The following KCNQ1 variants were observed in gnomAD, a reference collection of about 807,000 sequenced individuals.
KCNQ1 encodes the protein potassium voltage-gated channel subfamily Q member 1, also known as potassium voltage-gated channel subfamily KQT member 1.
Under a neutral mutation model 72.4 loss-of-function variants are expected in KCNQ1, and 49 were observed. That is an observed-to-expected ratio of 0.68 (90% CI 0.54 to 0.86). KCNQ1 has a LOEUF of 0.86. KCNQ1 is among the 40% of genes least tolerant of loss of function. The pLI, the probability that KCNQ1 is intolerant of heterozygous loss-of-function variation, is 0.00. For synonymous variants in KCNQ1, 450 were observed against 412.6 expected (o/e 1.09, Z -1.10); for missense variants, 790 against 945.1 (o/e 0.84, Z 2.15).
At position 2,746,812 on chromosome 11, in the gene KCNQ1, GCTC is replaced by G. The variant is rs1275939357; in HGVS notation, c.1515-22031_1515-22029del. Among the ~76,000 whole-genome samples the G allele has an allele frequency of 6.6e-6, 1 of 152,218 alleles. No homozygotes were observed. The highest frequency in any genetic ancestry group is 2.4e-5 in the African/African-American group (1 of 41,456). On this transcript the variant is annotated intron_variant, in intron 11 of 15. Transcript: ENST00000155840. This position sits in a 1 kb window ranked among gnomAD's most constrained non-coding sequence, Gnocchi z 5.9. The stretch of plus-strand genomic sequence containing the variant: ...CTGTCCTTGGACCCGCCAGCATTTG[GCTC>G]TGGGGCCCTAGAGAGACCCTGGGAT...
chr11:2,518,530 G>T (rs892775022), intron 1 of KCNQ1, among the ~76,000 whole-genome samples: 2 of 152,174 alleles, frequency 1.3e-5, no homozygotes, highest in Non-Finnish European at 2.9e-5. Flanking sequence ...CTGTTTCTTG[G>T]GGTTCCCAGT....
Position 2,621,047 on chromosome 11 carries a change from G to A in KCNQ1, c.1393+32193G>A, listed in dbSNP as rs1589986424. ...GGCTGGAGTGCAGTGGCGCAATCTC[G>A]GCTCACTGCAACCTCCACCTCCTGG... On this transcript the variant is annotated intron_variant, in intron 10 of 15. Coordinates refer to ENST00000155840, the MANE Select transcript of KCNQ1 (RefSeq NM_000218.3). The surrounding 1 kb of genome is among the most constrained non-coding windows in gnomAD (Gnocchi z 5.7). 5 of 396,036 alleles carry A rather than the reference G, an allele frequency of 1.3e-5. No individual in the cohort carries two copies. Among genetic ancestry groups the A allele is most frequent in the African/African-American group, 2.1e-5 (1 of 48,404 alleles). 24.5% of individuals were successfully genotyped at this position (396,036 alleles called of 1,614,324 possible).
At chr11:2,773,174 C>T (rs1846630439) in intron 12 of KCNQ1, among the ~76,000 whole-genome samples, 1 of 151,794 alleles carries the variant, frequency 6.6e-6, no homozygotes, top group Admixed American at 6.6e-5. Flanking sequence ...AAGGGAGAAA[C>T]AGAGTTCAAC....
At chr11:2,630,508 C>A (rs1849335884) in intron 10 of KCNQ1, 1 of 398,046 alleles carries the variant, frequency 2.5e-6, no homozygotes. Flanking sequence ...ATTTTTGATG[C>A]CCCAAGGTAC....
rs1166336344 is a variant in KCNQ1 at position 2,612,380 on chromosome 11, AG to A, written c.1393+23528del. 2 of 398,530 alleles carry A rather than the reference AG, an allele frequency of 5.0e-6. No homozygotes were observed. The highest frequency in any genetic ancestry group is 4.4e-6 in the Non-Finnish European group (1 of 226,082). The allele number at this position is 398,530 out of a possible 1,614,324, so 24.7% of individuals were successfully genotyped here. On this transcript the variant is annotated intron_variant, in intron 10 of 15. Coordinates refer to ENST00000155840, the MANE Select transcript of KCNQ1 (RefSeq NM_000218.3). The surrounding 1 kb of genome is among the most constrained non-coding windows in gnomAD (Gnocchi z 5.5). ...ACAAAACTGGTCCCTCATGCCAAAAAGGTTGGGGACCACTATATTATGGTAT... is the reference window on the plus strand; with the variant it reads ...ACAAAACTGGTCCCTCATGCCAAAAAGTTGGGGACCACTATATTATGGTAT...
Position 2,593,426 on chromosome 11 carries a change from G to A in KCNQ1, c.1393+4572G>A, listed in dbSNP as rs1247569183. 6.6e-6 allele frequency among the ~76,000 whole-genome samples: 1 copy of A among 152,192 alleles called. No individual in the cohort carries two copies. ...ACACTGGGCTGTAAGGTCGTGGTCT[G>A]TGACGTAGGATCGGGCAGCACGCAC... On this transcript the variant is annotated intron_variant, in intron 10 of 15. Coordinates refer to ENST00000155840, the MANE Select transcript of KCNQ1 (RefSeq NM_000218.3). This position sits in a 1 kb window ranked among gnomAD's most constrained non-coding sequence, Gnocchi z 6.9.
chr11:2,622,042 G>A, intron 10 of KCNQ1: 2 of 396,132 alleles, frequency 5.0e-6, no homozygotes, highest in Non-Finnish European at 8.9e-6. Flanking sequence ...TGCTTTTGCT[G>A]CATGTTTTGC....
chr11:2,673,160 G>C lies in KCNQ1; in HGVS notation c.1514+11079G>C. 2.5e-6 allele frequency: 1 copy of C among 398,720 alleles called. No homozygotes were observed. 24.7% of individuals were successfully genotyped at this position (398,720 alleles called of 1,614,324 possible). On this transcript the variant is annotated intron_variant, in intron 11 of 15. Coordinates refer to ENST00000155840, the MANE Select transcript of KCNQ1 (RefSeq NM_000218.3). This position sits in a 1 kb window ranked among gnomAD's most constrained non-coding sequence, Gnocchi z 4.5. ...TGCTGACCATCCCTGACCCAAGCAC[G>C]AGGATCAGAATGGGCCCTGGAGCCA...
intron 11 of KCNQ1, among the ~76,000 whole-genome samples, chr11:2,741,386 TTTTTG>T (rs1228426468): frequency 1.3e-5 from 2 of 152,214 alleles, no homozygotes; most frequent in Non-Finnish European, 2.9e-5. Context: ...TTGCTCTTTC[TTTTTG>T]TTTTATTATC....
In KCNQ1 at chr11:2,715,034, G is replaced by A. The variant is rs563985586; in HGVS notation, c.1514+52953G>A. Among the ~76,000 whole-genome samples, 31 of 152,256 alleles carry A rather than the reference G, an allele frequency of 2.0e-4. No homozygotes were observed. The South Asian group carries it at 5.8e-3, about 28-fold the overall frequency. The stretch of plus-strand genomic sequence containing the variant: ...CCAGGGTGCAGCTGGGCAGATTGCC[G>A]GTGGTTGGTGCTGGTGAGGAGTAGC... On this transcript the variant is annotated intron_variant, in intron 11 of 15. Transcript: ENST00000155840. This position sits in a 1 kb window ranked among gnomAD's most constrained non-coding sequence, Gnocchi z 4.9.
intron 15 of KCNQ1, among the ~76,000 whole-genome samples, chr11:2,837,261 T>C: frequency 6.6e-6 from 1 of 151,872 alleles, no homozygotes; most frequent in Non-Finnish European, 1.5e-5. Flanking sequence ...GCGTGGCCAA[T>C]GTTGAGGGAC....
rs980220673 is a variant in KCNQ1 at position 2,699,856 on chromosome 11, C to T, written c.1514+37775C>T. The T allele has an allele frequency of 2.1e-5, 8 of 388,518 alleles. No individual in the cohort carries two copies. In the East Asian group the frequency reaches 2.6e-4, roughly 12 times the overall value. The allele number at this position is 388,518 out of a possible 1,614,324, so 24.1% of individuals were successfully genotyped here. A position where few individuals can be genotyped will look rare whatever the true frequency, so the allele number is the denominator to read the frequency against. On this transcript the variant is annotated intron_variant, in intron 11 of 15. Coordinates refer to ENST00000155840, the MANE Select transcript of KCNQ1 (RefSeq NM_000218.3). Reference sequence around the variant, plus strand: ...AGGAGGACCGCGCTGAGGGGCGCACCGGGAGAATCGTGCTGAGGAGCCCCG... The same window carrying T: ...AGGAGGACCGCGCTGAGGGGCGCACTGGGAGAATCGTGCTGAGGAGCCCCG...
At chr11:2,840,343 A>C (rs1848181732) in intron 15 of KCNQ1, 1 of 152,468 alleles carries the variant, frequency 6.6e-6, no homozygotes, top group Non-Finnish European at 1.5e-5. Context: ...CACGGCTCAA[A>C]CTTGGGTTGT....
chr11:2,590,898 G>A (rs1848662270), intron 10 of KCNQ1, among the ~76,000 whole-genome samples: 1 of 152,254 alleles, frequency 6.6e-6, no homozygotes, highest in African/African-American at 2.4e-5. Flanking sequence ...ATGCCTGGCA[G>A]AGGAGGTGTG....
rs1029841087 is a variant in KCNQ1, at chr11:2,767,300, C to T, written c.1515-1544C>T. On this transcript the variant is annotated intron_variant, in intron 11 of 15. Transcript: ENST00000155840. This position sits in a 1 kb window ranked among gnomAD's most constrained non-coding sequence, Gnocchi z 4.6. ...CTCTTCTCCATGTGGCCTCTCTAAT[C>T]AGCAAGCTTGTTTGCAGGGCCACAT... Among the ~76,000 whole-genome samples the T allele has an allele frequency of 1.3e-5, 2 of 152,090 alleles. No homozygotes were observed. The highest frequency in any genetic ancestry group is 2.9e-5 in the Non-Finnish European group (2 of 68,026).
chr11:2,812,836 C>T lies in KCNQ1; in HGVS notation c.1794+34799C>T, dbSNP rs60869712. ...CTCCACCCAGCCTCCTGGGGGCTTC[C>T]GCCTCAAGGCCTCTGTGCCTGTGTG... On this transcript the variant is annotated intron_variant, in intron 15 of 15. Transcript: ENST00000155840. Among the ~76,000 whole-genome samples the T allele has an allele frequency of 5.3e-3, 811 of 152,348 alleles. 9 individuals are homozygous for T. Among genetic ancestry groups the T allele is most frequent in the African/African-American group, 0.019 (770 of 41,590 alleles).
intron 10 of KCNQ1, chr11:2,616,775 A>G (rs545238033): frequency 7.7e-4 from 305 of 398,158 alleles, no homozygotes; most frequent in African/African-American, 5.8e-3. Flanking sequence ...CTATATTTTA[A>G]AATTTATTGA....
intron 6 of KCNQ1, among the ~76,000 whole-genome samples, chr11:2,581,882 G>A (rs1848504249): frequency 6.6e-6 from 1 of 152,204 alleles, no homozygotes; most frequent in Admixed American, 6.5e-5. Context: ...GCAGGGGCAT[G>A]GGGGCATGTG....
rs1482719310 is a variant in KCNQ1, at chr11:2,601,444, G to A, written c.1393+12590G>A. The stretch of plus-strand genomic sequence containing the variant: ...CCCATGCACCCTTTAGTTAGTTTCC[G>A]TCAGTGGTAGCATCTTCTAAAACCA... On this transcript the variant is annotated intron_variant, in intron 10 of 15. Transcript: ENST00000155840. This position sits in a 1 kb window ranked among gnomAD's most constrained non-coding sequence, Gnocchi z 5.2. Among the ~76,000 whole-genome samples the A allele has an allele frequency of 3.9e-5, 6 of 152,166 alleles. No homozygotes were observed. The highest frequency in any genetic ancestry group is 2.1e-4 in the South Asian group (1 of 4,826).
Sources: allele counts gnomAD v4.1 joint callset (sites outside exome capture counted in the v4.1 genomes callset), GRCh38; gene constraint gnomAD v4.1.1; non-coding constraint Gnocchi (gnomAD v3.1); transcripts MANE v1.5; gene names NCBI Gene and HGNC (gene_info 2026-07-23, HGNC 2026-07-21).